The following ANKDD1B variants were observed in gnomAD, a reference collection of about 807,000 sequenced individuals.
ANKDD1B encodes the protein ankyrin repeat and death domain-containing protein 1B.
ANKDD1B carries 57 observed loss-of-function variants against 59.7 expected under a neutral mutation model. That is an observed-to-expected ratio of 0.95 (90% confidence interval 0.77 to 1.19). The LOEUF (loss-of-function observed/expected upper bound fraction) is 1.19, where lower values mean the gene tolerates loss of function less well. Among genes scored for constraint, ANKDD1B ranks in the 50% most tolerant of loss-of-function variants. The pLI is 0.00. For missense variants in ANKDD1B, 602 were observed against 641.9 expected, an observed-to-expected ratio of 0.94 and a Z score of 0.67; for synonymous variants, 216 against 239.5, an observed-to-expected ratio of 0.90 and a Z score of 0.91.
chr5:75,613,484 A>G (rs989544910), intron 1 of ANKDD1B, among the ~76,000 whole-genome samples: 27 of 152,228 alleles, frequency 1.8e-4, no homozygotes, highest in South Asian at 4.1e-4. Flanking sequence ...TTCATCCTGC[A>G]TATATAAATG....
intron 7 of ANKDD1B, among the ~76,000 whole-genome samples, chr5:75,648,656 G>A (rs558453997): frequency 6.6e-6 from 1 of 152,146 alleles, no homozygotes; most frequent in South Asian, 2.1e-4. Flanking sequence ...AATTTTTCCC[G>A]AGTTCATCAG....
rs1773550004 is a variant in ANKDD1B at position 75,611,507 on chromosome 5, GGCT to G, written c.-126_-124del. 1.5e-6 allele frequency: 1 copy of G among 679,292 alleles called. No homozygotes were observed. Among genetic ancestry groups the G allele is most frequent in the African/African-American group, 1.9e-5 (1 of 53,578 alleles). The allele number at this position is 679,292 out of a possible 1,614,324, so 42.1% of individuals were successfully genotyped here. On this transcript the variant is annotated 5_prime_UTR_variant, in exon 1 of 14. Transcript: ENST00000601380. Reference sequence around the variant, plus strand: ...CGGACTCGATCCTGCGCTCCGGCCGGGCTGACCTGCCTGCGTCCAGCCCCCGCG... The same window carrying G: ...CGGACTCGATCCTGCGCTCCGGCCGGGACCTGCCTGCGTCCAGCCCCCGCG...
intron 5 of ANKDD1B, among the ~76,000 whole-genome samples, chr5:75,634,258 T>C (rs1016860725): frequency 2.0e-5 from 3 of 152,196 alleles, no homozygotes; most frequent in African/African-American, 7.2e-5. Context: ...TTTGAGCTTA[T>C]CTTCTAAAAA....
At chr5:75,623,522 G>A (rs1722675839) in intron 3 of ANKDD1B, among the ~76,000 whole-genome samples, 1 of 152,222 alleles carries the variant, frequency 6.6e-6, no homozygotes, top group African/African-American at 2.4e-5. Flanking sequence ...GGAACAAAGA[G>A]TCCAGAAATG....
intron 3 of ANKDD1B, among the ~76,000 whole-genome samples, chr5:75,622,340 T>A (rs571332240): frequency 9.2e-5 from 14 of 152,318 alleles, no homozygotes; most frequent in South Asian, 2.1e-4. Flanking sequence ...TCTGCATTTT[T>A]AAAAAATTCC....
chr5:75,655,773 G>C (rs992032841), intron 8 of ANKDD1B, among the ~76,000 whole-genome samples: 1 of 152,216 alleles, frequency 6.6e-6, no homozygotes, highest in African/African-American at 2.4e-5. Context: ...AACCTGAAAA[G>C]AGCTTGGCCC....
At chr5:75,626,243 T>C (rs140209410) in intron 5 of ANKDD1B, among the ~76,000 whole-genome samples, 1 of 152,334 alleles carries the variant, frequency 6.6e-6, no homozygotes, top group Non-Finnish European at 1.5e-5. Context: ...CTATCCCCTC[T>C]AGTAATCAGA....
At chr5:75,621,965 A>G (rs914773388) in intron 3 of ANKDD1B, among the ~76,000 whole-genome samples, 3 of 152,232 alleles carry the variant, frequency 2.0e-5, no homozygotes, top group African/African-American at 7.2e-5. Context: ...ACTAAGTTAA[A>G]TATATTTATA....
chr5:75,615,484 A>G (rs1012846611), intron 1 of ANKDD1B, among the ~76,000 whole-genome samples: 1 of 152,172 alleles, frequency 6.6e-6, no homozygotes, highest in Non-Finnish European at 1.5e-5. Flanking sequence ...AATCTGCATG[A>G]GTCTACTCAG....
In ANKDD1B at chr5:75,616,289, T is replaced by C. The variant is rs575711500; in HGVS notation, c.194-515T>C. Among the ~76,000 whole-genome samples, 9 of 152,354 alleles carry C rather than the reference T, an allele frequency of 5.9e-5. No homozygotes were observed. In the South Asian group the frequency reaches 1.9e-3, roughly 32 times the overall value. Reference sequence around the variant, plus strand: ...AGATGTCAATCTACTTCTATGTGTTTTTATATAAATGAGAATAAAACATTT... The same window carrying C: ...AGATGTCAATCTACTTCTATGTGTTCTTATATAAATGAGAATAAAACATTT... On this transcript the variant is annotated intron_variant, in intron 1 of 13. Transcript: ENST00000601380.
At chr5:75,635,671 C>G in intron 6 of ANKDD1B, 113 bp from the exon 7 acceptor site, 1 of 588,336 alleles carries the variant, frequency 1.7e-6, no homozygotes, top group Non-Finnish European at 2.9e-6. Flanking sequence ...ACACTCTGGA[C>G]CGCAGCTTTA....
rs966558134 is a variant in ANKDD1B, at chr5:75,611,696, C to T, written c.62C>T (p.Ala21Val). 3.1e-5 allele frequency: 38 copies of T among 1,231,710 alleles called. No homozygotes were observed. The highest frequency in any genetic ancestry group is 2.0e-5 in the Non-Finnish European group (20 of 988,116). 76.3% of individuals were successfully genotyped at this position (1,231,710 alleles called of 1,614,324 possible). ...GATAGGLLLR[A>V]AAAAKGLRED... ...ACGGCAGGGGGGCTGCTGCTCCGGG[C>T]TGCTGCGGCCGCCAAGGGTCTCAGG... The change falls in exon 1 of 14, where the codon GCT becomes GTT. Residue 21 changes from alanine to valine, a missense_variant. Ala to Val is a moderately conservative substitution (Grantham distance 64). This residue lies in a region of ANKDD1B where 317 missense variants were observed against 304.6 expected (regional missense o/e 1.04). Coordinates refer to ENST00000601380, the MANE Select transcript of ANKDD1B (RefSeq NM_001276713.2).
chr5:75,646,739 G>T (rs1453532300), intron 7 of ANKDD1B, among the ~76,000 whole-genome samples: 2 of 77,940 alleles, frequency 2.6e-5, no homozygotes. Context: ...TCACAGAATT[G>T]GAAAAAACTA....
rs994461529 is a variant in ANKDD1B at position 75,635,898 on chromosome 5, C to T, written c.798+16C>T. Reference sequence around the variant, plus strand: ...GATGAATGAGGTATGTGGAAGTGCTCGTTATTGCCATAGGACTTAAATGTG... The same window carrying T: ...GATGAATGAGGTATGTGGAAGTGCTTGTTATTGCCATAGGACTTAAATGTG... On this transcript the variant is annotated intron_variant, in intron 7 of 13. Transcript: ENST00000601380. 7 of 1,467,188 alleles carry T rather than the reference C, an allele frequency of 4.8e-6. No homozygotes were observed. The African/African-American group carries it at 7.0e-5, about 15-fold the overall frequency. The allele number at this position is 1,467,188 out of a possible 1,614,324, so 90.9% of individuals were successfully genotyped here. A position where few individuals can be genotyped will look rare whatever the true frequency, so the allele number is the denominator to read the frequency against.
chr5:75,649,474 ATTT>A (rs1174319751), intron 7 of ANKDD1B, among the ~76,000 whole-genome samples: 1 of 152,090 alleles, frequency 6.6e-6, no homozygotes, highest in African/African-American at 2.4e-5. Flanking sequence ...GGAACCAATA[ATTT>A]TTTTATGTTT....
chr5:75,618,164 G>A (rs1327570069), intron 2 of ANKDD1B, among the ~76,000 whole-genome samples: 1 of 151,766 alleles, frequency 6.6e-6, no homozygotes, highest in African/African-American at 2.4e-5. Context: ...GAGAAAGGAT[G>A]GAAAAGAGGA....
intron 8 of ANKDD1B, among the ~76,000 whole-genome samples, chr5:75,655,343 C>T (rs568708716): frequency 4.3e-4 from 66 of 152,194 alleles, no homozygotes; most frequent in Non-Finnish European, 7.4e-5. Context: ...AGACTCCGTG[C>T]GGGGAGAGCT....
intron 12 of ANKDD1B, among the ~76,000 whole-genome samples, chr5:75,667,621 G>A (rs908122788): frequency 6.6e-6 from 1 of 152,152 alleles, no homozygotes; most frequent in Non-Finnish European, 1.5e-5. Flanking sequence ...GTGAAGTCAG[G>A]TCAGCTAGAT....
intron 10 of ANKDD1B, among the ~76,000 whole-genome samples, chr5:75,660,718 C>T (rs565779802): frequency 1.0e-3 from 152 of 152,180 alleles, no homozygotes; most frequent in Non-Finnish European, 1.7e-3. Flanking sequence ...TCAATCCTCA[C>T]ATTTCAGTGA....
Sources: allele counts gnomAD v4.1 joint callset (sites outside exome capture counted in the v4.1 genomes callset), GRCh38; gene constraint gnomAD v4.1.1; regional missense constraint gnomAD v4.1.1; transcripts MANE v1.5; gene names NCBI Gene and HGNC (gene_info 2026-07-23, HGNC 2026-07-21).